Variants in UNC5D observed in about 807,000 individuals in gnomAD.
The protein encoded by UNC5D is netrin receptor UNC5D.
UNC5D carries 39 observed loss-of-function variants against 105.4 expected under a neutral mutation model. The ratio of observed to expected loss-of-function variants is 0.37; its 90% CI spans 0.29 to 0.48. The LOEUF (loss-of-function observed/expected upper bound fraction) is 0.48. UNC5D is among the 20% of genes least tolerant of loss of function. The pLI, the probability that UNC5D is intolerant of heterozygous loss-of-function variation, is 0.98. For missense variants in UNC5D, 991 were observed against 1,202.4 expected, an observed-to-expected ratio of 0.82 and a Z score of 2.60; for synonymous variants, 452 against 450.4, an observed-to-expected ratio of 1.00 and a Z score of -0.04.
chr8:35,246,008 G>A (rs963908710), intron 1 of UNC5D, among the ~76,000 whole-genome samples: 1 of 151,956 alleles, frequency 6.6e-6, no homozygotes, highest in Admixed American at 6.6e-5. Flanking sequence ...CCCTATGCTC[G>A]GTCTTTTCTT....
chr8:35,645,746 T>A (rs115824818), intron 4 of UNC5D, among the ~76,000 whole-genome samples: 2,037 of 152,188 alleles, frequency 0.013, 43 homozygotes, highest in African/African-American at 0.046. Context: ...CAAAGGAATT[T>A]TGCTATTATC....
At chr8:35,474,234 C>A (rs1809931989) in intron 1 of UNC5D, among the ~76,000 whole-genome samples, 1 of 152,218 alleles carries the variant, frequency 6.6e-6, no homozygotes, top group South Asian at 2.1e-4. Context: ...ATTCTACTCA[C>A]AGTTTTCCTA....
At chr8:35,667,796 T>C (rs1440691444) in intron 4 of UNC5D, among the ~76,000 whole-genome samples, 1 of 152,198 alleles carries the variant, frequency 6.6e-6, no homozygotes, top group African/African-American at 2.4e-5. Flanking sequence ...AGGCATATTT[T>C]TTGATGGTTG....
At chr8:35,427,713 T>A (rs1806345475) in intron 1 of UNC5D, among the ~76,000 whole-genome samples, 1 of 152,220 alleles carries the variant, frequency 6.6e-6, no homozygotes, top group African/African-American at 2.4e-5. Flanking sequence ...CATATATTAA[T>A]ATACTGATCA....
chr8:35,668,440 C>A (rs1824571331), intron 4 of UNC5D, among the ~76,000 whole-genome samples: 1 of 151,992 alleles, frequency 6.6e-6, no homozygotes, highest in African/African-American at 2.4e-5. Context: ...CCATATTTAC[C>A]ATTTTTGCTA....
chr8:35,707,357 G>A (rs180892202), intron 8 of UNC5D, among the ~76,000 whole-genome samples: 1 of 152,252 alleles, frequency 6.6e-6, no homozygotes, highest in East Asian at 1.9e-4. Flanking sequence ...CCTGCTGTCT[G>A]CTGCCCATTA....
intron 14 of UNC5D, among the ~76,000 whole-genome samples, chr8:35,762,632 C>T (rs1374519199): frequency 6.6e-6 from 1 of 152,172 alleles, no homozygotes; most frequent in Non-Finnish European, 1.5e-5. Flanking sequence ...TAATTCTATT[C>T]TTTCAATAGG....
chr8:35,382,999 C>T (rs1289265791), intron 1 of UNC5D, among the ~76,000 whole-genome samples: 1 of 152,162 alleles, frequency 6.6e-6, no homozygotes, highest in Non-Finnish European at 1.5e-5. Flanking sequence ...TTAAACCTTG[C>T]TTAAAATACT....
chr8:35,611,010 C>CAAAAAAAAAAAAAAAAAAAAAA, intron 4 of UNC5D, among the ~76,000 whole-genome samples: 1 of 60,100 alleles, frequency 1.7e-5, no homozygotes, highest in Non-Finnish European at 3.1e-5. Context: ...GACAAAGAAG[C>CAAAAAAAAAAAAAAAAAAAAAA]AAAAAAAAAA....
intron 14 of UNC5D, among the ~76,000 whole-genome samples, chr8:35,761,039 T>C (rs996809138): frequency 6.6e-6 from 1 of 152,134 alleles, no homozygotes; most frequent in Non-Finnish European, 1.5e-5. Context: ...CTGAACACTT[T>C]TTTTTTCAGG....
chr8:35,778,492 A>T (rs578003736), intron 16 of UNC5D, among the ~76,000 whole-genome samples: 1 of 152,320 alleles, frequency 6.6e-6, no homozygotes, highest in African/African-American at 2.4e-5. Context: ...ATACACAGAA[A>T]TCTAAAATTG....
chr8:35,535,450 A>AT (rs34278200), intron 1 of UNC5D, among the ~76,000 whole-genome samples: 21 of 146,814 alleles, frequency 1.4e-4, no homozygotes, highest in Admixed American at 2.0e-4. Context: ...TTTTTTTTTA[A>AT]TTTTTTTTTT....
intron 4 of UNC5D, among the ~76,000 whole-genome samples, chr8:35,606,866 G>A (rs1820327761): frequency 6.6e-6 from 1 of 152,178 alleles, no homozygotes; most frequent in Non-Finnish European, 1.5e-5. Context: ...GGAACTCTGT[G>A]GCTGTTCAGG....
rs139828409 is a variant in UNC5D, at chr8:35,595,090, A to G, written c.467-464A>G. ...TAATAGGTAATCTCACTCTATTAGC[A>G]TCTTCTAGAGCCCCCTAGAGGGTTA... On this transcript the variant is annotated intron_variant, in intron 3 of 16. Coordinates refer to ENST00000404895, the MANE Select transcript of UNC5D (RefSeq NM_080872.4). 4.4e-3 allele frequency among the ~76,000 whole-genome samples: 670 copies of G among 152,328 alleles called. 2 individuals carry two copies. The highest frequency in any genetic ancestry group is 0.011 in the Admixed American group (171 of 15,290).
chr8:35,588,441 C>G (rs1352747797), intron 3 of UNC5D, among the ~76,000 whole-genome samples: 1 of 152,138 alleles, frequency 6.6e-6, no homozygotes, highest in African/African-American at 2.4e-5. Flanking sequence ...CTGTGAGATT[C>G]TCTGCCTCAG....
intron 4 of UNC5D, among the ~76,000 whole-genome samples, chr8:35,673,748 T>G (rs969815348): frequency 6.6e-6 from 1 of 152,212 alleles, no homozygotes; most frequent in Non-Finnish European, 1.5e-5. Context: ...ATCACATTGG[T>G]GTCCAATACA....
At chr8:35,533,904 C>G (rs1456855685) in intron 1 of UNC5D, among the ~76,000 whole-genome samples, 2 of 152,214 alleles carry the variant, frequency 1.3e-5, no homozygotes, top group Non-Finnish European at 2.9e-5. Context: ...CATGCTTCGG[C>G]TTGCGCACGG....
In UNC5D at chr8:35,594,050, C is replaced by T. The variant is rs554769568; in HGVS notation, c.467-1504C>T. On this transcript the variant is annotated intron_variant, in intron 3 of 16. Transcript: ENST00000404895. Reference sequence around the variant, plus strand: ...TTGGAGTCAGAAGTCCTGAATCAAACGGGCTGTGGCAATTTACGGTTCCCG... The same window carrying T: ...TTGGAGTCAGAAGTCCTGAATCAAATGGGCTGTGGCAATTTACGGTTCCCG... Among the ~76,000 whole-genome samples, 19 of 152,238 alleles carry T rather than the reference C, an allele frequency of 1.2e-4. No homozygotes were observed. In the East Asian group the frequency reaches 1.5e-3, roughly 12 times the overall value.
At position 35,758,312 on chromosome 8, in the gene UNC5D, A is replaced by G. The variant is rs1830606153; in HGVS notation, c.2164-1008A>G. On this transcript the variant is annotated intron_variant, in intron 13 of 16. Coordinates refer to ENST00000404895, the MANE Select transcript of UNC5D (RefSeq NM_080872.4). Reference sequence around the variant, plus strand: ...TTTACTCTTTAATAATTGAAATGTAAGTTTGATTGTGTTTATAAACCTATT... The same window carrying G: ...TTTACTCTTTAATAATTGAAATGTAGGTTTGATTGTGTTTATAAACCTATT... Among the ~76,000 whole-genome samples, 3 of 152,204 alleles carry G rather than the reference A, an allele frequency of 2.0e-5. No homozygotes were observed. In the South Asian group the frequency reaches 6.2e-4, roughly 31 times the overall value.
Sources: gnomAD v4.1 joint callset for allele counts (sites outside exome capture counted in the v4.1 genomes callset) on GRCh38, gnomAD v4.1.1 for gene constraint, MANE v1.5 for transcripts, NCBI Gene and HGNC (gene_info 2026-07-23, HGNC 2026-07-21) for gene names.